Variants in ATPSCKMT observed in about 807,000 individuals in gnomAD.
ATPSCKMT encodes the protein ATP synthase subunit C lysine N-methyltransferase.
A neutral mutation model predicts 24.3 loss-of-function variants in ATPSCKMT; 24 were observed. The ratio of observed to expected loss-of-function variants is 0.99; its 90% CI spans 0.71 to 1.39. ATPSCKMT has a LOEUF of 1.39. Ranked by LOEUF, ATPSCKMT falls within the 40% of genes most tolerant of loss-of-function variation. ATPSCKMT has a pLI of 0.00. For synonymous variants in ATPSCKMT, 95 were observed against 110.5 expected (o/e 0.86, Z 0.88); for missense variants, 311 against 298.4 (o/e 1.04, Z -0.31).
chr5:10,235,639 C>T (rs1313618807), intron 3 of ATPSCKMT, among the ~76,000 whole-genome samples: 2 of 152,216 alleles, frequency 1.3e-5, no homozygotes, highest in Non-Finnish European at 2.9e-5. Flanking sequence ...CTCTATACCA[C>T]CAGCTTCACC....
chr5:10,226,072 C>G lies in ATPSCKMT; in HGVS notation c.*1369G>C, dbSNP rs1186268200. ...CTGGCTGAAGTCCACAACATCACAT[C>G]CCCTCATCTCAGACTCACACAGGTG... On this transcript the variant is annotated 3_prime_UTR_variant, in exon 5 of 5. Coordinates refer to ENST00000511437, the MANE Select transcript of ATPSCKMT (RefSeq NM_199133.4). 6.6e-6 allele frequency among the ~76,000 whole-genome samples: 1 copy of G among 152,216 alleles called. No individual in the cohort carries two copies. The highest frequency in any genetic ancestry group is 2.4e-5 in the African/African-American group (1 of 41,450).
intron 2 of ATPSCKMT, among the ~76,000 whole-genome samples, chr5:10,238,046 C>T (rs1441095213): frequency 1.3e-5 from 2 of 152,154 alleles, no homozygotes; most frequent in East Asian, 1.9e-4. Flanking sequence ...CACCTGGCCA[C>T]TAATAAATTT....
chr5:10,249,820 C>A, intron 1 of ATPSCKMT, 38 bp downstream of exon 1: 1 of 1,538,752 alleles, frequency 6.5e-7, no homozygotes, highest in Admixed American at 2.1e-5. Context: ...CACCCCTTCT[C>A]ATGCCCCCAG....
chr5:10,237,017 G>C, intron 2 of ATPSCKMT: 2 of 1,296,866 alleles, frequency 1.5e-6, no homozygotes, highest in African/African-American at 1.5e-5. Context: ...TTGTGAACAA[G>C]TAATAATATG....
chr5:10,230,229 G>C (rs1744064244), intron 4 of ATPSCKMT, among the ~76,000 whole-genome samples: 2 of 151,484 alleles, frequency 1.3e-5, no homozygotes, highest in Non-Finnish European at 2.9e-5. Context: ...ATTCTATTAA[G>C]GATGGAGGAA....
intron 1 of ATPSCKMT, among the ~76,000 whole-genome samples, chr5:10,242,581 T>C (rs908373426): frequency 6.6e-6 from 1 of 152,244 alleles, no homozygotes; most frequent in Non-Finnish European, 1.5e-5. Flanking sequence ...CTATTAATGT[T>C]GATACTCTGA....
At chr5:10,244,451 C>T (rs920096664) in intron 1 of ATPSCKMT, 1 of 152,182 alleles carries the variant, frequency 6.6e-6, no homozygotes, top group African/African-American at 2.4e-5. Flanking sequence ...CTCAGCTACT[C>T]AGGAGGCTGA....
chr5:10,236,627 G>A lies in ATPSCKMT; in HGVS notation c.307-12C>T. The A allele has an allele frequency of 6.2e-7, 1 of 1,608,378 alleles. No individual in the cohort carries two copies. Among genetic ancestry groups the A allele is most frequent in the Admixed American group, 1.7e-5 (1 of 58,662 alleles). On this transcript the variant is annotated splice_polypyrimidine_tract_variant and intron_variant, in intron 2 of 4. Coordinates refer to ENST00000511437, the MANE Select transcript of ATPSCKMT (RefSeq NM_199133.4). ...GCAGCCGCTATGACCTGTGGAGAGA[G>A]GCAGGATTTATTCAAAATAAGAAGA...
chr5:10,228,755 A>T (rs560044709), intron 4 of ATPSCKMT, among the ~76,000 whole-genome samples: 1 of 151,974 alleles, frequency 6.6e-6, no homozygotes, highest in East Asian at 1.9e-4. Context: ...TCTTGGCTCA[A>T]TGCAACCTCC....
intron 2 of ATPSCKMT, among the ~76,000 whole-genome samples, chr5:10,238,384 G>A (rs530043473): frequency 1.1e-4 from 16 of 152,146 alleles, no homozygotes; most frequent in Non-Finnish European, 1.6e-4. Flanking sequence ...TGTAGGAGCC[G>A]GTGAAAGGTG....
At chr5:10,245,245 C>G (rs74565667) in intron 1 of ATPSCKMT, among the ~76,000 whole-genome samples, 3 of 151,074 alleles carry the variant, frequency 2.0e-5, no homozygotes, top group Non-Finnish European at 4.4e-5. Context: ...ACAGTGAAAC[C>G]CTGTCTCTAC....
chr5:10,234,832 G>T (rs560109575), intron 4 of ATPSCKMT, among the ~76,000 whole-genome samples: 11 of 152,284 alleles, frequency 7.2e-5, no homozygotes, highest in African/African-American at 2.6e-4. Flanking sequence ...CTTCCAAATG[G>T]GAGGAATGAT....
chr5:10,245,199 T>C (rs1350249879), intron 1 of ATPSCKMT, among the ~76,000 whole-genome samples: 1 of 152,012 alleles, frequency 6.6e-6, no homozygotes, highest in Non-Finnish European at 1.5e-5. Context: ...GGCGGGCAGA[T>C]CATGAGGTCA....
At chr5:10,236,202 A>C (rs1173919943) in intron 3 of ATPSCKMT, 1 of 290,352 alleles carries the variant, frequency 3.4e-6, no homozygotes. Context: ...TGAGATGAAA[A>C]ATCTCATTAT....
At chr5:10,234,428 C>T (rs552728641) in intron 4 of ATPSCKMT, among the ~76,000 whole-genome samples, 1 of 152,194 alleles carries the variant, frequency 6.6e-6, no homozygotes, top group South Asian at 2.1e-4. Flanking sequence ...ATACATTTCT[C>T]AAGCACTGAA....
chr5:10,238,590 G>A (rs16884358), intron 2 of ATPSCKMT, among the ~76,000 whole-genome samples: 5,223 of 152,312 alleles, frequency 0.034, 128 homozygotes, highest in African/African-American at 0.067. Context: ...TCAAGTGAGA[G>A]AAGTTCATAA....
chr5:10,235,190 A>G (rs764758754), intron 4 of ATPSCKMT, 21 bp downstream of exon 4: 2 of 1,612,936 alleles, frequency 1.2e-6, no homozygotes, highest in Non-Finnish European at 1.7e-6. Context: ...CCAAACAGAG[A>G]GCAGGAAAGT....
chr5:10,230,523 A>C (rs1273553453), intron 4 of ATPSCKMT, among the ~76,000 whole-genome samples: 2 of 152,232 alleles, frequency 1.3e-5, no homozygotes, highest in African/African-American at 4.8e-5. Flanking sequence ...TAACTGACTA[A>C]ATTACACATA....
In ATPSCKMT at chr5:10,227,254, A is replaced by G. The variant is rs1743919054; in HGVS notation, c.*187T>C. 2 of 625,518 alleles carry G rather than the reference A, an allele frequency of 3.2e-6. No individual in the cohort carries two copies. 38.7% of individuals were successfully genotyped at this position (625,518 alleles called of 1,614,324 possible). On this transcript the variant is annotated 3_prime_UTR_variant, in exon 5 of 5. Coordinates refer to ENST00000511437, the MANE Select transcript of ATPSCKMT (RefSeq NM_199133.4). Reference sequence around the variant, plus strand: ...CAGTAAGTACAATTTTTAAGAAAATAGCATCAAAAGCAGATTTTAAATCTA... The same window carrying G: ...CAGTAAGTACAATTTTTAAGAAAATGGCATCAAAAGCAGATTTTAAATCTA...
Sources: gnomAD v4.1 joint callset for allele counts (sites outside exome capture counted in the v4.1 genomes callset) on GRCh38, gnomAD v4.1.1 for gene constraint, MANE v1.5 for transcripts, NCBI Gene and HGNC (gene_info 2026-07-23, HGNC 2026-07-21) for gene names.